LUZP2: variants seen among roughly 807,000 people sequenced by gnomAD.
LUZP2 encodes leucine zipper protein 2.
In LUZP2, 52 loss-of-function variants were observed where a neutral mutation model predicts 51.6. That is an observed-to-expected ratio of 1.01 (90% CI 0.81 to 1.27). LUZP2 has a LOEUF of 1.27. Ranked by LOEUF, LUZP2 falls within the 50% of genes most tolerant of loss-of-function variation. LUZP2 has a pLI of 0.00. For synonymous variants in LUZP2, 154 were observed against 137.3 expected (o/e 1.12, Z -0.85); for missense variants, 436 against 395.4 (o/e 1.10, Z -0.87).
intron 10 of LUZP2, among the ~76,000 whole-genome samples, chr11:25,062,876 T>G (rs1858886710): frequency 6.6e-6 from 1 of 151,742 alleles, no homozygotes; most frequent in Non-Finnish European, 1.5e-5. Context: ...TATTTTATCA[T>G]TATTTAGTTA....
At chr11:24,794,346 A>C (rs545400103) in intron 5 of LUZP2, among the ~76,000 whole-genome samples, 2 of 152,204 alleles carry the variant, frequency 1.3e-5, no homozygotes, top group African/African-American at 4.8e-5. Flanking sequence ...TTACTGTTTA[A>C]AGTTTGTATT....
intron 1 of LUZP2, among the ~76,000 whole-genome samples, chr11:24,672,231 A>G (rs1856422009): frequency 6.6e-6 from 1 of 152,134 alleles, no homozygotes; most frequent in African/African-American, 2.4e-5. Flanking sequence ...TGAAACATTT[A>G]GTTTCTTTGA....
intron 9 of LUZP2, among the ~76,000 whole-genome samples, chr11:24,997,883 T>G (rs1856555444): frequency 6.6e-6 from 1 of 152,200 alleles, no homozygotes; most frequent in Admixed American, 6.5e-5. Context: ...GGGAATCCTT[T>G]CCCCATTGCT....
chr11:24,998,209 G>T (rs1856566546), intron 9 of LUZP2, among the ~76,000 whole-genome samples: 1 of 152,094 alleles, frequency 6.6e-6, no homozygotes, highest in Non-Finnish European at 1.5e-5. Context: ...ATTACCTTGG[G>T]CAGTATGGCC....
chr11:24,795,944 T>C (rs1849534889), intron 5 of LUZP2, among the ~76,000 whole-genome samples: 1 of 152,126 alleles, frequency 6.6e-6, no homozygotes, highest in Non-Finnish European at 1.5e-5. Context: ...CCAAACTCCC[T>C]ACTCTACTGT....
intron 5 of LUZP2, among the ~76,000 whole-genome samples, chr11:24,765,847 C>T (rs960935065): frequency 1.3e-5 from 2 of 152,016 alleles, no homozygotes; most frequent in African/African-American, 4.8e-5. Context: ...AGGATGGTCT[C>T]CATCTCCTGA....
At chr11:25,018,408 A>C (rs1031340002) in intron 9 of LUZP2, among the ~76,000 whole-genome samples, 1 of 152,062 alleles carries the variant, frequency 6.6e-6, no homozygotes, top group Non-Finnish European at 1.5e-5. Context: ...TTTAAACTCC[A>C]CTTTCTGAAA....
At chr11:24,767,586 T>C (rs1426091643) in intron 5 of LUZP2, among the ~76,000 whole-genome samples, 3 of 152,210 alleles carry the variant, frequency 2.0e-5, no homozygotes, top group Non-Finnish European at 4.4e-5. Flanking sequence ...TTTTCTTTAA[T>C]ATAGGCATTT....
intron 1 of LUZP2, among the ~76,000 whole-genome samples, chr11:24,577,519 A>G (rs10834393): frequency 0.39 from 59,983 of 151,896 alleles, 12,084 homozygotes; most frequent in Middle Eastern, 0.52. Flanking sequence ...GAAACATGCA[A>G]CAATACAGGA....
chr11:24,580,151 T>A (rs1277257011), intron 1 of LUZP2, among the ~76,000 whole-genome samples: 1 of 152,164 alleles, frequency 6.6e-6, no homozygotes, highest in Non-Finnish European at 1.5e-5. Flanking sequence ...TGTTTAATGA[T>A]GTTACAATGT....
chr11:24,871,959 A>G (rs1024223679), intron 5 of LUZP2, among the ~76,000 whole-genome samples: 6 of 152,062 alleles, frequency 3.9e-5, no homozygotes, highest in African/African-American at 7.2e-5. Context: ...CTAAGGAACT[A>G]ATGTAAACTA....
intron 8 of LUZP2, among the ~76,000 whole-genome samples, chr11:24,982,300 C>T (rs1054626602): frequency 1.3e-5 from 2 of 151,854 alleles, no homozygotes; most frequent in Non-Finnish European, 2.9e-5. Flanking sequence ...CATAAAGACA[C>T]ATGCATGTGA....
intron 9 of LUZP2, among the ~76,000 whole-genome samples, chr11:25,038,458 A>G (rs2134002422): frequency 6.6e-6 from 1 of 152,336 alleles, no homozygotes; most frequent in Non-Finnish European, 1.5e-5. Flanking sequence ...AAAATCACAC[A>G]TATCACAAAA....
At chr11:24,608,775 A>T (rs567953487) in intron 1 of LUZP2, among the ~76,000 whole-genome samples, 4 of 152,348 alleles carry the variant, frequency 2.6e-5, no homozygotes, top group Non-Finnish European at 2.9e-5. Flanking sequence ...TAAATTTTTT[A>T]AAAAAGTATT....
intron 5 of LUZP2, among the ~76,000 whole-genome samples, chr11:24,854,682 A>C (rs974889569): frequency 5.3e-5 from 8 of 152,042 alleles, no homozygotes. Flanking sequence ...AAAAAAAAAA[A>C]AAAACTCCTG....
At chr11:24,588,356 A>G (rs1216671190) in intron 1 of LUZP2, among the ~76,000 whole-genome samples, 1 of 152,128 alleles carries the variant, frequency 6.6e-6, no homozygotes, top group Non-Finnish European at 1.5e-5. Context: ...TGAAGCTGCG[A>G]TTGACCACAA....
intron 7 of LUZP2, among the ~76,000 whole-genome samples, chr11:24,960,986 G>T (rs1590777483): frequency 6.6e-6 from 1 of 151,986 alleles, no homozygotes; most frequent in Non-Finnish European, 1.5e-5. Context: ...CTTTATTTCT[G>T]CCTTCATTTC....
intron 10 of LUZP2, among the ~76,000 whole-genome samples, chr11:25,050,371 G>A (rs1041972792): frequency 1.6e-5 from 2 of 126,640 alleles, no homozygotes; most frequent in Non-Finnish European, 3.1e-5. Context: ...GCACAATCTC[G>A]GCTCACTGCA....
intron 9 of LUZP2, among the ~76,000 whole-genome samples, chr11:25,018,545 A>G (rs1449045569): frequency 6.7e-6 from 1 of 150,136 alleles, no homozygotes; most frequent in Non-Finnish European, 1.5e-5. Flanking sequence ...GCATGGACTT[A>G]TAGTTACTTT....
Sources: gnomAD v4.1 joint callset for allele counts (sites outside exome capture counted in the v4.1 genomes callset) on GRCh38, gnomAD v4.1.1 for gene constraint, MANE v1.5 for transcripts, NCBI Gene and HGNC (gene_info 2026-07-23, HGNC 2026-07-21) for gene names.